SYNE2: variants seen among roughly 807,000 people sequenced by gnomAD.
SYNE2 encodes the protein spectrin repeat containing nuclear envelope protein 2, also known as nesprin-2.
In SYNE2, 431 loss-of-function variants were observed where a neutral mutation model predicts 856.3. That is an observed-to-expected ratio of 0.50 (90% CI 0.47 to 0.55). The LOEUF (loss-of-function observed/expected upper bound fraction) is 0.55, where lower values mean the gene tolerates loss of function less well. Among genes scored for constraint, SYNE2 ranks in the 20% least tolerant of loss-of-function variants. SYNE2 has a pLI of 0.00. For missense variants in SYNE2, 8,129 were observed against 8,023.2 expected (o/e 1.01, Z -0.50); for synonymous variants, 2,923 against 2,872.3 (o/e 1.02, Z -0.56).
intron 1 of SYNE2, among the ~76,000 whole-genome samples, chr14:63,866,454 G>A (rs1895347474): frequency 6.6e-6 from 1 of 152,096 alleles, no homozygotes; most frequent in African/African-American, 2.4e-5. Flanking sequence ...CTTGAGCCCA[G>A]GAGTTCAAGA....
At chr14:64,188,016 G>A (rs2098500512) in intron 97 of SYNE2, among the ~76,000 whole-genome samples, 1 of 152,212 alleles carries the variant, frequency 6.6e-6, no homozygotes, top group Admixed American at 6.5e-5. Context: ...TAACGGGCAA[G>A]TGGGTTAAAT....
intron 1 of SYNE2, among the ~76,000 whole-genome samples, chr14:63,819,941 G>C (rs919552859): frequency 6.6e-6 from 1 of 151,434 alleles, no homozygotes; most frequent in Non-Finnish European, 1.5e-5. Flanking sequence ...AAATGCTTAG[G>C]GAATATTCTG....
chr14:63,980,749 A>G lies in SYNE2; in HGVS notation c.1648+17A>G. Reference sequence around the variant, plus strand: ...AGAATTTGGGTAAAGTGGTTCAGTTACTTTCTGATGGAATGACTGTCACTT... The same window carrying G: ...AGAATTTGGGTAAAGTGGTTCAGTTGCTTTCTGATGGAATGACTGTCACTT... On this transcript the variant is annotated intron_variant, in intron 15 of 115. Coordinates refer to ENST00000555002, the MANE Select transcript of SYNE2 (RefSeq NM_182914.3). 9.3e-6 allele frequency: 14 copies of G among 1,497,460 alleles called. No homozygotes were observed. Among genetic ancestry groups the G allele is most frequent in the Non-Finnish European group, 1.2e-5 (13 of 1,074,886 alleles). The allele number at this position is 1,497,460 out of a possible 1,614,324, so 92.8% of individuals were successfully genotyped here. A position where few individuals can be genotyped will look rare whatever the true frequency, so the allele number is the denominator to read the frequency against.
At chr14:63,820,849 A>C (rs1455435464) in intron 1 of SYNE2, among the ~76,000 whole-genome samples, 1 of 151,796 alleles carries the variant, frequency 6.6e-6, no homozygotes, top group East Asian at 1.9e-4. Context: ...TCCTGGGTTC[A>C]AGTGATTCTC....
intron 7 of SYNE2, among the ~76,000 whole-genome samples, chr14:63,951,990 TTGG>T (rs1469577953): frequency 6.6e-6 from 1 of 152,248 alleles, no homozygotes; most frequent in African/African-American, 2.4e-5. Flanking sequence ...TTGGCCATCA[TTGG>T]TGGTATTATT....
intron 1 of SYNE2, among the ~76,000 whole-genome samples, chr14:63,795,062 C>G (rs1354301307): frequency 4.6e-5 from 7 of 152,184 alleles, no homozygotes; most frequent in African/African-American, 1.7e-4. Flanking sequence ...TGTGCCACCA[C>G]ACCTGCCTAA....
Position 63,954,924 on chromosome 14 carries a change from G to A in SYNE2, c.787+9G>A. ...ATTGCTGGAACCAGAAGGTAAAGAA[G>A]CTTCTTTGTTTTTAAAACAATCTTT... On this transcript the variant is annotated intron_variant, in intron 8 of 115. Transcript: ENST00000555002. The A allele has an allele frequency of 6.2e-7, 1 of 1,605,514 alleles. No individual in the cohort carries two copies. The highest frequency in any genetic ancestry group is 8.5e-7 in the Non-Finnish European group (1 of 1,174,648).
intron 1 of SYNE2, among the ~76,000 whole-genome samples, chr14:63,895,271 A>AT (rs933487886): frequency 1.1e-3 from 162 of 144,174 alleles, no homozygotes; most frequent in East Asian, 2.2e-3. Context: ...CCCCTGGCTA[A>AT]TTTTTTTTTT....
At chr14:63,915,936 G>A (rs2095528521) in intron 2 of SYNE2, among the ~76,000 whole-genome samples, 1 of 152,104 alleles carries the variant, frequency 6.6e-6, no homozygotes, top group Non-Finnish European at 1.5e-5. Flanking sequence ...ACATCGTAAT[G>A]GAGATGCAAT....
rs919678654 is a variant in SYNE2, at chr14:64,007,190, G to A, written c.4545G>A (p.Leu1515=). 1.2e-6 allele frequency: 2 copies of A among 1,614,038 alleles called. No individual in the cohort carries two copies. Among genetic ancestry groups the A allele is most frequent in the East Asian group, 2.2e-5 (1 of 44,898 alleles). The part of the protein sequence containing the change: ...VNQQCQNTVV[L]WENTKALVTE... Reference sequence around the variant, plus strand: ...AACAGTGCCAAAATACAGTAGTCTTGTGGGAGAATACCAAAGCCTTGGTCA... The same window carrying A: ...AACAGTGCCAAAATACAGTAGTCTTATGGGAGAATACCAAAGCCTTGGTCA... Residue 1515 remains leucine, a synonymous_variant, in exon 31 of 116, where the codon TTG becomes TTA. Transcript: ENST00000555002.
At chr14:64,000,852 C>A in intron 28 of SYNE2, 133 bp downstream of exon 28, 1 of 791,044 alleles carries the variant, frequency 1.3e-6, no homozygotes, top group Non-Finnish European at 2.0e-6. Context: ...AGAGAGGCTA[C>A]CATTATGATT....
chr14:64,206,152 C>T (rs914721165), intron 100 of SYNE2, among the ~76,000 whole-genome samples: 1 of 152,226 alleles, frequency 6.6e-6, no homozygotes, highest in African/African-American at 2.4e-5. Context: ...CTCCCCTTCT[C>T]CTCTTGCTCT....
intron 1 of SYNE2, among the ~76,000 whole-genome samples, chr14:63,822,219 G>C (rs1381895704): frequency 2.0e-5 from 3 of 151,254 alleles, no homozygotes; most frequent in Admixed American, 2.0e-4. Context: ...AACAAAAAAA[G>C]CAAAAAACAA....
rs368073606 is a variant in SYNE2, at chr14:64,146,671, G to A, written c.15639+448G>A. Among the ~76,000 whole-genome samples, 26 of 152,248 alleles carry A rather than the reference G, an allele frequency of 1.7e-4. 1 individual carries two copies. The highest frequency in any genetic ancestry group is 3.4e-3 in the Middle Eastern group (1 of 294). On this transcript the variant is annotated intron_variant, in intron 84 of 115. Coordinates refer to ENST00000555002, the MANE Select transcript of SYNE2 (RefSeq NM_182914.3). ...GCTTTAAAAAGTTCACTTGTCCCTTGGAACCTCTGCTGAATCACATTTGGG... is the reference window on the plus strand; with the variant it reads ...GCTTTAAAAAGTTCACTTGTCCCTTAGAACCTCTGCTGAATCACATTTGGG...
chr14:63,847,283 AAATAAT>A (rs941996879), intron 1 of SYNE2, among the ~76,000 whole-genome samples: 1 of 150,924 alleles, frequency 6.6e-6, no homozygotes, highest in Non-Finnish European at 1.5e-5. Context: ...TGCTTTTACA[AAATAAT>A]AATAATAATA....
intron 102 of SYNE2, 124 bp downstream of exon 102, chr14:64,209,702 C>T: frequency 4.3e-6 from 6 of 1,391,026 alleles, no homozygotes; most frequent in Non-Finnish European, 5.9e-6. Flanking sequence ...CTGCCTAAAC[C>T]ACAGCCTGCC....
chr14:64,163,345 A>G, intron 88 of SYNE2, 57 bp from the exon 89 acceptor site: 2 of 1,590,728 alleles, frequency 1.3e-6, no homozygotes, highest in Middle Eastern at 4.3e-4. Context: ...AGCAGCGGGT[A>G]GGGAATTGTG....
In SYNE2 at chr14:64,174,935, T is replaced by A; in HGVS notation, c.17236-9T>A. On this transcript the variant is annotated splice_polypyrimidine_tract_variant and intron_variant, in intron 94 of 115. Coordinates refer to ENST00000555002, the MANE Select transcript of SYNE2 (RefSeq NM_182914.3). ...AACCTAAGCAAATTACTTCTCTTTTTTTTCTTAGAATAAAGAAATTCATTT... is the reference window on the plus strand; with the variant it reads ...AACCTAAGCAAATTACTTCTCTTTTATTTCTTAGAATAAAGAAATTCATTT... The A allele has an allele frequency of 2.5e-6, 4 of 1,613,526 alleles. No individual in the cohort carries two copies. The highest frequency in any genetic ancestry group is 3.4e-6 in the Non-Finnish European group (4 of 1,179,508).
rs193073523 is a variant in SYNE2 at position 64,128,560 on chromosome 14, A to G, written c.14019+7A>G. 11 of 1,551,512 alleles carry G rather than the reference A, an allele frequency of 7.1e-6. No homozygotes were observed. In the South Asian group the frequency reaches 1.2e-4, roughly 17 times the overall value. ...TGTTGCTGAACAGCTTCAGGTAATC[A>G]AGTCAAAATAATTCAGACTGACTTA... On this transcript the variant is annotated splice_region_variant and intron_variant, in intron 74 of 115. Transcript: ENST00000555002.
Sources: gnomAD v4.1 joint callset for allele counts (sites outside exome capture counted in the v4.1 genomes callset) on GRCh38, gnomAD v4.1.1 for gene constraint, MANE v1.5 for transcripts, NCBI Gene and HGNC (gene_info 2026-07-23, HGNC 2026-07-21) for gene names.